MC2R: variants seen among roughly 807,000 people sequenced by gnomAD.
The protein encoded by MC2R is adrenocorticotropic hormone receptor.
In MC2R, 9 loss-of-function variants were observed where a neutral mutation model predicts 9.8. That is an observed-to-expected ratio of 0.92 (90% CI 0.55 to 1.60). The LOEUF is 1.60. Ranked by LOEUF, MC2R falls within the 40% of genes most tolerant of loss-of-function variation. MC2R has a pLI of 0.00. For synonymous variants in MC2R, 185 were observed against 154.7 expected, an observed-to-expected ratio of 1.20 and a Z score of -1.45; for missense variants, 370 against 389.0, an observed-to-expected ratio of 0.95 and a Z score of 0.41.
Position 13,882,463 on chromosome 18 carries a change from T to C in MC2R, c.*2162A>G, listed in dbSNP as rs1247101291. ...GTTTCATCCACCATTAGACTAGCCA[T>C]CTTCATTTTGTTTCTTAGATTAACT... On this transcript the variant is annotated 3_prime_UTR_variant, in exon 2 of 2. Coordinates refer to ENST00000327606, the MANE Select transcript of MC2R (RefSeq NM_000529.2). 2.6e-5 allele frequency: 4 copies of C among 152,264 alleles called. No individual in the cohort carries two copies. The highest frequency in any genetic ancestry group is 9.6e-5 in the African/African-American group (4 of 41,472). The allele number at this position is 152,264 out of a possible 1,614,324, so 9.4% of individuals were successfully genotyped here.
At chr18:13,910,817 C>G (rs2045440014) in intron 1 of MC2R, among the ~76,000 whole-genome samples, 1 of 152,216 alleles carries the variant, frequency 6.6e-6, no homozygotes, top group African/African-American at 2.4e-5. Flanking sequence ...TACTTCTCAT[C>G]ACAACAGTGT....
At chr18:13,907,477 G>A (rs1032533622) in intron 1 of MC2R, among the ~76,000 whole-genome samples, 2 of 152,162 alleles carry the variant, frequency 1.3e-5, no homozygotes, top group Non-Finnish European at 2.9e-5. Flanking sequence ...GATTTTTGGA[G>A]TAAGATCTCA....
At chr18:13,891,022 A>G (rs1405631477) in intron 1 of MC2R, among the ~76,000 whole-genome samples, 2 of 152,168 alleles carry the variant, frequency 1.3e-5, no homozygotes, top group African/African-American at 2.4e-5. Flanking sequence ...AGAACATTTC[A>G]TCTGGCCATG....
At chr18:13,906,281 G>C (rs1013960297) in intron 1 of MC2R, among the ~76,000 whole-genome samples, 7 of 152,180 alleles carry the variant, frequency 4.6e-5, no homozygotes, top group African/African-American at 1.7e-4. Context: ...CCTTTGCAGG[G>C]ACATGGATAA....
At chr18:13,906,533 T>C (rs1019976216) in intron 1 of MC2R, among the ~76,000 whole-genome samples, 1 of 151,930 alleles carries the variant, frequency 6.6e-6, no homozygotes, top group Non-Finnish European at 1.5e-5. Flanking sequence ...GTTCTGCACA[T>C]GTATCCCATT....
chr18:13,898,659 G>A (rs117273219), intron 1 of MC2R, among the ~76,000 whole-genome samples: 3,993 of 152,342 alleles, frequency 0.026, 66 homozygotes, highest in Middle Eastern at 0.041. Flanking sequence ...CCAGATTTAG[G>A]TGGCTCAGAA....
chr18:13,902,245 T>A (rs914819620), intron 1 of MC2R, among the ~76,000 whole-genome samples: 5 of 152,110 alleles, frequency 3.3e-5, no homozygotes, highest in Admixed American at 3.3e-4. Context: ...AGAAGGAACA[T>A]ACCTCAACAT....
At position 13,885,437 on chromosome 18, in the gene MC2R, C is replaced by T. The variant is rs574516888; in HGVS notation, c.82G>A (p.Glu28Lys). The T allele has an allele frequency of 9.9e-6, 16 of 1,614,052 alleles. No individual in the cohort carries two copies. The highest frequency in any genetic ancestry group is 1.3e-5 in the Non-Finnish European group (15 of 1,179,932). Reference protein sequence around the residue: ...NSDCPRVVLPEEIFFTISIVG... With the variant: ...NSDCPRVVLPKEIFFTISIVG... Reference sequence around the variant, plus strand: ...ATGGAAATTGTGAAAAATATCTCCTCCGGCAAAACCACACGAGGACAGTCG... The same window carrying T: ...ATGGAAATTGTGAAAAATATCTCCTTCGGCAAAACCACACGAGGACAGTCG... The change falls in exon 2 of 2, where the codon GAG (glutamate) becomes AAG (lysine). Residue 28 changes from glutamate to lysine, a missense_variant. By Grantham distance (56) the Glu-to-Lys change is moderately conservative (BLOSUM62 1). Transcript: ENST00000327606.
intron 1 of MC2R, among the ~76,000 whole-genome samples, chr18:13,904,855 A>T (rs118109824): frequency 0.031 from 4,660 of 152,294 alleles, 98 homozygotes; most frequent in Non-Finnish European, 0.048. Flanking sequence ...ATGCAAAAAA[A>T]CTGAAACCGG....
chr18:13,904,037 C>A lies in MC2R; in HGVS notation c.-129+11451G>T, dbSNP rs144895349. 2.6e-3 allele frequency among the ~76,000 whole-genome samples: 396 copies of A among 151,470 alleles called. 1 individual carries two copies. The highest frequency in any genetic ancestry group is 9.3e-3 in the African/African-American group (382 of 41,278). ...GATGTCTGCTTGTATTTTGAGTCAC[C>A]CTGTTTCTTCTTCCAACGAAATAAA... On this transcript the variant is annotated intron_variant, in intron 1 of 1. Transcript: ENST00000327606.
At chr18:13,897,603 C>T in intron 1 of MC2R, among the ~76,000 whole-genome samples, 1 of 152,066 alleles carries the variant, frequency 6.6e-6, no homozygotes. Flanking sequence ...CTCCAAAAGA[C>T]ACCCCTTCCT....
At chr18:13,890,321 C>T (rs770794899) in intron 1 of MC2R, among the ~76,000 whole-genome samples, 1 of 152,166 alleles carries the variant, frequency 6.6e-6, no homozygotes, top group Non-Finnish European at 1.5e-5. Context: ...CAACACTGTG[C>T]CGCTTTCCTC....
chr18:13,884,774 G>A lies in MC2R; in HGVS notation c.745C>T (p.Pro249Ser). ...VLLMTFCPSN[P>S]YCACYMSLFQ... The stretch of plus-strand genomic sequence containing the variant: ...AGAGACATGTAGCAGGCGCAGTAGG[G>A]GTTACTTGGGCAGAATGTCATCAAG... Residue 249 changes from proline (P) to serine (S), a missense_variant, in exon 2 of 2, where the codon CCC becomes TCC. Pro to Ser is a moderately conservative substitution (Grantham distance 74, BLOSUM62 -1). Coordinates refer to ENST00000327606, the MANE Select transcript of MC2R (RefSeq NM_000529.2). 5 of 1,613,992 alleles carry A rather than the reference G, an allele frequency of 3.1e-6. No individual in the cohort carries two copies. The highest frequency in any genetic ancestry group is 4.2e-6 in the Non-Finnish European group (5 of 1,180,012).
chr18:13,887,946 T>C (rs141500678), intron 1 of MC2R, among the ~76,000 whole-genome samples: 1 of 152,290 alleles, frequency 6.6e-6, no homozygotes, highest in African/African-American at 2.4e-5. Context: ...CTGCTGTTTA[T>C]TTTCCTCTTC....
At chr18:13,897,507 C>T (rs749802989) in intron 1 of MC2R, among the ~76,000 whole-genome samples, 26 of 152,058 alleles carry the variant, frequency 1.7e-4, no homozygotes, top group Admixed American at 4.6e-4. Flanking sequence ...ACTTGGGGGG[C>T]GCACAACCTA....
intron 1 of MC2R, among the ~76,000 whole-genome samples, chr18:13,887,599 A>C (rs2045285020): frequency 1.3e-5 from 2 of 152,206 alleles, no homozygotes; most frequent in Non-Finnish European, 2.9e-5. Context: ...TGAGATGCAC[A>C]TTTGAACAGG....
chr18:13,906,364 G>A (rs1015208469), intron 1 of MC2R, among the ~76,000 whole-genome samples: 5 of 152,126 alleles, frequency 3.3e-5, no homozygotes, highest in African/African-American at 1.2e-4. Context: ...TCACTCATAA[G>A]TGGGAGTTGA....
intron 1 of MC2R, among the ~76,000 whole-genome samples, chr18:13,895,288 A>G (rs1416978302): frequency 1.3e-5 from 2 of 152,236 alleles, no homozygotes; most frequent in Non-Finnish European, 2.9e-5. Flanking sequence ...TTGAGTTAAA[A>G]TTTTATGGGA....
chr18:13,886,804 G>T (rs1218141494), intron 1 of MC2R, among the ~76,000 whole-genome samples: 1 of 152,136 alleles, frequency 6.6e-6, no homozygotes, highest in African/African-American at 2.4e-5. Flanking sequence ...GGACAAATTT[G>T]GGAGCACAGC....
Sources: allele counts gnomAD v4.1 joint callset (sites outside exome capture counted in the v4.1 genomes callset), GRCh38; gene constraint gnomAD v4.1.1; transcripts MANE v1.5; gene names NCBI Gene and HGNC (gene_info 2026-07-23, HGNC 2026-07-21).